Variants in MERTK observed in about 807,000 individuals in gnomAD.
MERTK encodes tyrosine-protein kinase Mer.
MERTK carries 69 observed loss-of-function variants against 99.3 expected under a neutral mutation model. That is an observed-to-expected ratio of 0.70 (90% CI 0.57 to 0.85). The LOEUF (loss-of-function observed/expected upper bound fraction) is 0.85, where lower values mean the gene tolerates loss of function less well. MERTK is among the 40% of genes least tolerant of loss of function. MERTK has a pLI of 0.00. For missense variants in MERTK, 1,125 were observed against 1,249.4 expected, an observed-to-expected ratio of 0.90 and a Z score of 1.50; for synonymous variants, 426 against 467.6, an observed-to-expected ratio of 0.91 and a Z score of 1.15.
chr2:112,025,097 C>T (rs1209844308), intron 18 of MERTK, among the ~76,000 whole-genome samples: 3 of 152,164 alleles, frequency 2.0e-5, no homozygotes, highest in Admixed American at 6.5e-5. Flanking sequence ...CTGGCACTGC[C>T]GCCGACTGTT....
At chr2:111,926,023 G>T (rs1684561074) in intron 1 of MERTK, among the ~76,000 whole-genome samples, 1 of 151,648 alleles carries the variant, frequency 6.6e-6, no homozygotes, top group South Asian at 2.1e-4. Flanking sequence ...AGTAGAGATG[G>T]GGTTTCACCG....
chr2:111,902,040 C>G (rs765313358), intron 1 of MERTK, among the ~76,000 whole-genome samples: 8 of 152,134 alleles, frequency 5.3e-5, no homozygotes, highest in Non-Finnish European at 8.8e-5. Flanking sequence ...CATGCACCAC[C>G]ACGCCTGGCT....
At chr2:111,974,769 C>CAAAAA (rs35594851) in intron 6 of MERTK, among the ~76,000 whole-genome samples, 234 of 52,180 alleles carry the variant, frequency 4.5e-3, no homozygotes, top group Admixed American at 5.4e-3. Flanking sequence ...AGGTCCATCT[C>CAAAAA]AAAAAAAAAA....
intron 1 of MERTK, among the ~76,000 whole-genome samples, chr2:111,926,097 C>T (rs1166413155): frequency 6.6e-6 from 1 of 152,122 alleles, no homozygotes; most frequent in African/African-American, 2.4e-5. Flanking sequence ...TCCCAAAGTG[C>T]TGGGATTACA....
At chr2:112,002,078 T>G (rs1273470603) in intron 11 of MERTK, among the ~76,000 whole-genome samples, 1 of 152,130 alleles carries the variant, frequency 6.6e-6, no homozygotes, top group Non-Finnish European at 1.5e-5. Flanking sequence ...TATCCACATT[T>G]TTTTGATCTT....
rs1283146167 is a variant in MERTK at position 112,009,815 on chromosome 2, G to A, written c.1961-133G>A. ...TTCCATTTTCTAGAACAGAGTGTGA[G>A]TTAGGCGCTCTTGATTTTTTCAAAC... On this transcript the variant is annotated intron_variant, in intron 14 of 18. Transcript: ENST00000295408. 1.1e-5 allele frequency: 8 copies of A among 758,018 alleles called. No individual in the cohort carries two copies. The East Asian group carries it at 2.0e-4, about 19-fold the overall frequency. 47.0% of individuals were successfully genotyped at this position (758,018 alleles called of 1,614,324 possible).
At chr2:111,944,563 G>A (rs1234270189) in intron 2 of MERTK, among the ~76,000 whole-genome samples, 1 of 1,006 alleles carries the variant, frequency 9.9e-4, no homozygotes, top group African/African-American at 3.2e-3. Context: ...TGACAAATAT[G>A]GAATCAACAG....
chr2:111,997,938 G>T (rs1250038606), intron 10 of MERTK, among the ~76,000 whole-genome samples: 1 of 152,220 alleles, frequency 6.6e-6, no homozygotes, highest in Non-Finnish European at 1.5e-5. Flanking sequence ...TGTAATCCCA[G>T]CTACTTTAGA....
intron 4 of MERTK, among the ~76,000 whole-genome samples, chr2:111,964,430 C>T (rs1224466944): frequency 4.0e-5 from 6 of 150,308 alleles, no homozygotes; most frequent in Non-Finnish European, 5.9e-5. Flanking sequence ...TGTGTGTGTA[C>T]GTTGTGTGTT....
At chr2:111,990,831 G>T (rs185156206) in intron 8 of MERTK, among the ~76,000 whole-genome samples, 5 of 152,296 alleles carry the variant, frequency 3.3e-5, no homozygotes, top group Non-Finnish European at 1.5e-5. Context: ...TGCTCAAACT[G>T]TATTATAGCC....
At chr2:112,010,759 T>C (rs1262449204) in intron 15 of MERTK, among the ~76,000 whole-genome samples, 2 of 152,160 alleles carry the variant, frequency 1.3e-5, no homozygotes, top group East Asian at 3.9e-4. Context: ...ACAAAAACAG[T>C]ATCCTCCTGT....
At chr2:112,003,460 G>T in intron 12 of MERTK, 1 of 346,354 alleles carries the variant, frequency 2.9e-6, no homozygotes, top group Admixed American at 4.5e-5. Context: ...TCATTGAGTA[G>T]TTTCCTATGT....
In MERTK at chr2:111,975,449, T is replaced by G; in HGVS notation, c.1121T>G (p.Ile374Ser). The G allele has an allele frequency of 6.2e-7, 1 of 1,614,158 alleles. No individual in the cohort carries two copies. Among genetic ancestry groups the G allele is most frequent in the Non-Finnish European group, 8.5e-7 (1 of 1,180,024 alleles). Reference protein sequence around the residue: ...EIGWSAVSPWILASTTEGAPS... With the variant: ...EIGWSAVSPWSLASTTEGAPS... ...GGCTGGTCTGCAGTGAGCCCTTGGA[T>G]TCTAGCCAGCACGACTGAAGGAGGT... The change falls in exon 7 of 19, where the codon ATT becomes AGT. Residue 374 changes from isoleucine (I) to serine (S), a missense_variant. Transcript: ENST00000295408.
chr2:111,974,769 CAAAAAAAAAAAAA>C (rs35594851), intron 6 of MERTK, among the ~76,000 whole-genome samples: 13 of 53,380 alleles, frequency 2.4e-4, no homozygotes, highest in South Asian at 1.1e-3. Context: ...AGGTCCATCT[CAAAAAAAAAAAAA>C]AAAAAAAAAA....
rs147166671 is a variant in MERTK at position 111,982,920 on chromosome 2, C to T, written c.1223C>T (p.Pro408Leu). 20 of 1,614,068 alleles carry T rather than the reference C, an allele frequency of 1.2e-5. No homozygotes were observed. The African/African-American group carries it at 2.1e-4, about 17-fold the overall frequency. ...SDNVDIRWMK[P>L]PTKQQDGELV... Reference sequence around the variant, plus strand: ...AATGTGGACATCAGATGGATGAAGCCTCCGACTAAGCAGCAGGATGGAGAA... The same window carrying T: ...AATGTGGACATCAGATGGATGAAGCTTCCGACTAAGCAGCAGGATGGAGAA... The change falls in exon 8 of 19, where the codon CCT (proline) becomes CTT (leucine). Residue 408 changes from proline to leucine, a missense_variant. Physicochemically the swap from Pro to Leu is moderately conservative, Grantham distance 98 (BLOSUM62 -3). Coordinates refer to ENST00000295408, the MANE Select transcript of MERTK (RefSeq NM_006343.3).
At position 112,028,181 on chromosome 2, in the gene MERTK, T is replaced by C; in HGVS notation, c.2487-170T>C. ...TTTTTGTCAAATACCATGGAACATTTACAAAAGTTGTATAAATATTAGGCC... is the reference window on the plus strand; with the variant it reads ...TTTTTGTCAAATACCATGGAACATTCACAAAAGTTGTATAAATATTAGGCC... On this transcript the variant is annotated intron_variant, in intron 18 of 18. Transcript: ENST00000295408. 5 of 725,142 alleles carry C rather than the reference T, an allele frequency of 6.9e-6. No homozygotes were observed. The South Asian group carries it at 7.4e-5, about 11-fold the overall frequency. 44.9% of individuals were successfully genotyped at this position (725,142 alleles called of 1,614,324 possible).
At chr2:111,924,602 C>T (rs1684520745) in intron 1 of MERTK, among the ~76,000 whole-genome samples, 1 of 152,178 alleles carries the variant, frequency 6.6e-6, no homozygotes. Flanking sequence ...CCAGAATCCC[C>T]CTCATCAAGC....
chr2:111,978,004 A>G (rs1189146882), intron 7 of MERTK, among the ~76,000 whole-genome samples: 2 of 151,840 alleles, frequency 1.3e-5, no homozygotes, highest in African/African-American at 2.4e-5. Flanking sequence ...TGCAGCGCCA[A>G]TCATAGCTCA....
chr2:112,005,830 A>C (rs905019747), intron 13 of MERTK, among the ~76,000 whole-genome samples: 5 of 152,174 alleles, frequency 3.3e-5, no homozygotes, highest in African/African-American at 1.2e-4. Context: ...ATTAAAGCAT[A>C]AGTTAGATTG....
Sources: allele counts gnomAD v4.1 joint callset (sites outside exome capture counted in the v4.1 genomes callset), GRCh38; gene constraint gnomAD v4.1.1; transcripts MANE v1.5; gene names NCBI Gene and HGNC (gene_info 2026-07-23, HGNC 2026-07-21).